ZNF451: variants seen among roughly 807,000 people sequenced by gnomAD.
ZNF451 encodes zinc finger protein 451.
In ZNF451, 80 loss-of-function variants were observed where a neutral mutation model predicts 107.1. That is an observed-to-expected ratio of 0.75 (90% CI 0.62 to 0.90). The LOEUF is 0.90. Among genes scored for constraint, ZNF451 ranks in the 40% least tolerant of loss-of-function variants. The pLI is 0.00. For missense variants in ZNF451, 1,107 were observed against 1,236.2 expected, an observed-to-expected ratio of 0.90 and a Z score of 1.57; for synonymous variants, 362 against 406.5, an observed-to-expected ratio of 0.89 and a Z score of 1.32.
At chr6:57,158,901 C>T in intron 13 of ZNF451, 2 of 985,308 alleles carry the variant, frequency 2.0e-6, no homozygotes, top group Non-Finnish European at 2.4e-6. Flanking sequence ...ATACCAATTA[C>T]ACAGATTTTT....
chr6:57,154,149 G>A (rs1177751656), intron 13 of ZNF451, 102 bp downstream of exon 13: 6 of 1,124,972 alleles, frequency 5.3e-6, no homozygotes, highest in Non-Finnish European at 7.9e-6. Context: ...TTGCCTGCTT[G>A]CTAAACCATC....
At chr6:57,141,803 A>G in intron 8 of ZNF451, 145 bp from the exon 9 acceptor site, 1 of 692,686 alleles carries the variant, frequency 1.4e-6, no homozygotes, top group South Asian at 2.3e-5. Context: ...TAAGGCTAGA[A>G]AGTGGCTTCC....
intron 14 of ZNF451, among the ~76,000 whole-genome samples, chr6:57,162,557 A>G (rs1328755072): frequency 6.6e-6 from 1 of 152,226 alleles, no homozygotes; most frequent in East Asian, 1.9e-4. Context: ...CATAATGATG[A>G]ATTAAACAAA....
In ZNF451 at chr6:57,142,085, G is replaced by A. The variant is rs778771244; in HGVS notation, c.994G>A (p.Ala332Thr). 1.9e-6 allele frequency: 3 copies of A among 1,611,974 alleles called. No individual in the cohort carries two copies. Among genetic ancestry groups the A allele is most frequent in the Non-Finnish European group, 2.5e-6 (3 of 1,178,354 alleles). ...KTLRSHMELT[A>T]HFRVHCRNAG... ...ACTGCGTTCCCACATGGAGCTCACT[G>A]CCCATTTCAGGTTTGTATTGGTCTG... The change falls in exon 9 of 15, where the codon GCC (alanine) becomes ACC (threonine). Residue 332 changes from alanine (A) to threonine (T), a missense_variant. Around this residue, in one of 5 missense-constraint regions of ZNF451, gnomAD observed 339 missense variants for 372.8 expected, o/e 0.91. Coordinates refer to ENST00000370706, the MANE Select transcript of ZNF451 (RefSeq NM_001031623.3).
intron 3 of ZNF451, chr6:57,102,209 T>C (rs965965394): frequency 3.5e-6 from 5 of 1,418,232 alleles, no homozygotes; most frequent in South Asian, 1.6e-5. Flanking sequence ...ACTGGATGCA[T>C]GTCTGGAATG....
At chr6:57,143,721 A>G (rs1831907275) in intron 9 of ZNF451, among the ~76,000 whole-genome samples, 1 of 152,184 alleles carries the variant, frequency 6.6e-6, no homozygotes. Context: ...AGCAAAGTGA[A>G]CTTGCTCTTG....
intron 13 of ZNF451, 85 bp downstream of exon 13, chr6:57,154,132 T>C (rs542462741): frequency 7.5e-7 from 1 of 1,337,236 alleles, no homozygotes; most frequent in African/African-American, 1.4e-5. Context: ...TGTCCGCTAG[T>C]GAACTGTTGC....
rs1219998553 is a variant in ZNF451, at chr6:57,104,288, T to C, written c.186+5147T>C. 7.1e-6 allele frequency: 7 copies of C among 985,282 alleles called. No individual in the cohort carries two copies. The Admixed American group carries it at 1.8e-4, about 26-fold the overall frequency. 61.0% of individuals were successfully genotyped at this position (985,282 alleles called of 1,614,324 possible). A position where few individuals can be genotyped will look rare whatever the true frequency, so the allele number is the denominator to read the frequency against. ...CAAGCAATCCCATGTGCTCTTGATA[T>C]TGGCACTGTAGTTTTATCTTAGAGG... On this transcript the variant is annotated intron_variant, in intron 3 of 14. Transcript: ENST00000370706.
At chr6:57,137,350 T>C (rs1831484174) in intron 7 of ZNF451, among the ~76,000 whole-genome samples, 1 of 152,108 alleles carries the variant, frequency 6.6e-6, no homozygotes, top group Non-Finnish European at 1.5e-5. Context: ...CCCTCCCCCA[T>C]TTTCTTTCAT....
intron 7 of ZNF451, among the ~76,000 whole-genome samples, chr6:57,138,522 A>C (rs1562615210): frequency 1.3e-5 from 2 of 151,320 alleles, no homozygotes; most frequent in African/African-American, 4.9e-5. Context: ...TCAGCCTCCC[A>C]AAGTGCTGGG....
At chr6:57,124,291 C>A in intron 3 of ZNF451, 1 of 623,904 alleles carries the variant, frequency 1.6e-6, no homozygotes, top group South Asian at 1.9e-5. Flanking sequence ...CTGGCTCCCC[C>A]TGGAGTTTTT....
chr6:57,159,959 A>T (rs909877777), intron 13 of ZNF451, among the ~76,000 whole-genome samples: 1 of 152,198 alleles, frequency 6.6e-6, no homozygotes, highest in African/African-American at 2.4e-5. Context: ...ATATAGATGC[A>T]TATCTGTTTA....
At chr6:57,099,572 A>G in intron 3 of ZNF451, 2 of 713,740 alleles carry the variant, frequency 2.8e-6, no homozygotes, top group Non-Finnish European at 5.2e-6. Flanking sequence ...AGGAATGGAA[A>G]GTGGGGGAAG....
chr6:57,106,282 A>G (rs1050758354), intron 3 of ZNF451: 2 of 700,656 alleles, frequency 2.9e-6, no homozygotes, highest in South Asian at 6.4e-5. Context: ...TTGTAGAAGT[A>G]GTTTAAAGAT....
At chr6:57,103,053 G>A (rs1829682620) in intron 3 of ZNF451, 3 of 985,248 alleles carry the variant, frequency 3.0e-6, no homozygotes, top group Non-Finnish European at 1.2e-6. Flanking sequence ...GCTTGATAGT[G>A]CATCACACTC....
intron 14 of ZNF451, among the ~76,000 whole-genome samples, chr6:57,167,182 T>TAC (rs397975599): frequency 0.049 from 7,409 of 149,858 alleles, 425 homozygotes; most frequent in African/African-American, 0.14. Flanking sequence ...CGTATATATA[T>TAC]ACACACACAC....
chr6:57,095,669 CTT>C (rs1829261495), intron 2 of ZNF451, among the ~76,000 whole-genome samples: 1 of 151,742 alleles, frequency 6.6e-6, no homozygotes. Context: ...TTTCTTTTCT[CTT>C]AGTGTGAATC....
chr6:57,141,997 A>G lies in ZNF451; in HGVS notation c.906A>G (p.Lys302=), dbSNP rs372745270. The G allele has an allele frequency of 9.3e-6, 15 of 1,613,972 alleles. No individual in the cohort carries two copies. The African/African-American group carries it at 2.0e-4, about 22-fold the overall frequency. The change falls in exon 9 of 15, where the codon AAA becomes AAG. Residue 302 remains lysine (K), a synonymous_variant. Transcript: ENST00000370706. Reference sequence around the variant, plus strand: ...TATCTTTCCCATCTTTTGCAAAGAAACTTTTGATCTCTCTGTGCAAAGATG... The same window carrying G: ...TATCTTTCCCATCTTTTGCAAAGAAGCTTTTGATCTCTCTGTGCAAAGATG... ...HPISFPSFAK[K]LLISLCKDVP... is the part of the protein sequence containing the mutation.
intron 5 of ZNF451, among the ~76,000 whole-genome samples, chr6:57,131,325 T>G (rs1593130522): frequency 6.6e-6 from 1 of 152,198 alleles, no homozygotes; most frequent in Admixed American, 6.5e-5. Flanking sequence ...TGTTTAAATC[T>G]CTGTATTTTG....
Sources: allele counts gnomAD v4.1 joint callset (sites outside exome capture counted in the v4.1 genomes callset), GRCh38; gene constraint gnomAD v4.1.1; regional missense constraint gnomAD v4.1.1; transcripts MANE v1.5; gene names NCBI Gene and HGNC (gene_info 2026-07-23, HGNC 2026-07-21).